The following ZNF782 variants were observed in gnomAD, a reference collection of about 807,000 sequenced individuals.
ZNF782 encodes the protein zinc finger protein 782.
ZNF782 carries 12 observed loss-of-function variants against 13.0 expected under a neutral mutation model. The ratio of observed to expected loss-of-function variants is 0.92; its 90% confidence interval spans 0.59 to 1.50. The LOEUF (loss-of-function observed/expected upper bound fraction) is 1.50. Among genes scored for constraint, ZNF782 ranks in the 40% most tolerant of loss-of-function variants. The pLI, the probability that ZNF782 is intolerant of heterozygous loss-of-function variation, is 0.00. For missense variants in ZNF782, 770 were observed against 822.9 expected (o/e 0.94, Z 0.79); for synonymous variants, 284 against 283.0 (o/e 1.00, Z -0.04).
the ZNF782 span, among the ~76,000 whole-genome samples, chr9:96,927,228 G>T: frequency 7.9e-5 from 12 of 152,194 alleles, no homozygotes; most frequent in African/African-American, 2.7e-4. Flanking sequence ...CACATGCGAG[G>T]GGATGCATGA....
At chr9:96,849,407 T>C (rs1395759698) in intron 3 of ZNF782, among the ~76,000 whole-genome samples, 4 of 152,198 alleles carry the variant, frequency 2.6e-5, no homozygotes, top group African/African-American at 9.7e-5. Flanking sequence ...CGTGGCCCTG[T>C]GGATTGGGGA....
At chr9:96,894,339 T>TA in the ZNF782 span, 46 of 143,824 alleles carry the variant, frequency 3.2e-4, no homozygotes, top group Middle Eastern at 3.5e-3. Context: ...ACTTAAAGCA[T>TA]AAAAAAAAAA....
At chr9:96,886,625 A>G in the ZNF782 span, among the ~76,000 whole-genome samples, 3 of 152,182 alleles carry the variant, frequency 2.0e-5, no homozygotes, top group African/African-American at 7.2e-5. Flanking sequence ...AAGCTGTATG[A>G]TCAAAAACAC....
At chr9:96,839,785 C>G (rs1013047221) in intron 4 of ZNF782, among the ~76,000 whole-genome samples, 2 of 152,120 alleles carry the variant, frequency 1.3e-5, no homozygotes, top group African/African-American at 4.8e-5. Flanking sequence ...CTATGCACAC[C>G]ATTCTACTGC....
At chr9:96,862,313 A>G (rs1467069026) in intron 1 of ZNF782, among the ~76,000 whole-genome samples, 1 of 152,238 alleles carries the variant, frequency 6.6e-6, no homozygotes, top group Non-Finnish European at 1.5e-5. Context: ...TTTGATAGCA[A>G]AACAGGTTGA....
intron 2 of ZNF782, 24 bp from the exon 3 acceptor site, chr9:96,852,029 C>T: frequency 6.6e-7 from 1 of 1,521,126 alleles, no homozygotes; most frequent in Non-Finnish European, 9.1e-7. Flanking sequence ...AAGAGGATGT[C>T]ACACGGTCTC....
At chr9:96,871,983 G>A (rs1409023919) in intron 1 of ZNF782, among the ~76,000 whole-genome samples, 1 of 152,114 alleles carries the variant, frequency 6.6e-6, no homozygotes, top group Non-Finnish European at 1.5e-5. Flanking sequence ...AAATTTGAAG[G>A]AACTGGACCT....
chr9:96,919,586 C>T, the ZNF782 span, among the ~76,000 whole-genome samples: 13 of 107,492 alleles, frequency 1.2e-4, no homozygotes, highest in Admixed American at 2.0e-4. Flanking sequence ...TTTTTTGAGA[C>T]AGAGTCTTGC....
the ZNF782 span, among the ~76,000 whole-genome samples, chr9:96,911,214 C>A: frequency 4.2e-5 from 6 of 142,988 alleles, no homozygotes; most frequent in African/African-American, 1.3e-4. Context: ...CCGAGGCGGG[C>A]GGATCACGAG....
chr9:96,906,775 G>A, the ZNF782 span, among the ~76,000 whole-genome samples: 2 of 152,246 alleles, frequency 1.3e-5, no homozygotes, highest in East Asian at 1.9e-4. Context: ...ACCATTGACC[G>A]CTGGTGATCA....
intron 3 of ZNF782, among the ~76,000 whole-genome samples, chr9:96,845,501 C>T (rs1329710634): frequency 6.6e-6 from 1 of 152,188 alleles, no homozygotes; most frequent in African/African-American, 2.4e-5. Context: ...TCATGATCCG[C>T]CCACCTTGGC....
At chr9:96,914,500 A>G in the ZNF782 span, among the ~76,000 whole-genome samples, 6 of 151,248 alleles carry the variant, frequency 4.0e-5, no homozygotes, top group Non-Finnish European at 8.9e-5. Flanking sequence ...CTAGTCCTAC[A>G]TACATACAAA....
chr9:96,894,648 G>T, the ZNF782 span: 5 of 152,130 alleles, frequency 3.3e-5, no homozygotes, highest in Non-Finnish European at 7.4e-5. Context: ...CTATTCTGAT[G>T]ATCTTGAAAA....
chr9:96,914,067 C>T, the ZNF782 span, among the ~76,000 whole-genome samples: 14 of 151,566 alleles, frequency 9.2e-5, no homozygotes, highest in Admixed American at 2.6e-4. Flanking sequence ...GATTAGGGGA[C>T]GAGTAATAAA....
the ZNF782 span, chr9:96,895,622 T>C: frequency 6.6e-6 from 1 of 152,178 alleles, no homozygotes; most frequent in Admixed American, 6.5e-5. Flanking sequence ...AATCAGACTT[T>C]GGGGGAATTA....
At chr9:96,866,236 A>T (rs1851752561) in intron 1 of ZNF782, among the ~76,000 whole-genome samples, 1 of 151,984 alleles carries the variant, frequency 6.6e-6, no homozygotes, top group South Asian at 2.1e-4. Flanking sequence ...AAGAGGAAAA[A>T]TTGTTTTGTG....
At chr9:96,903,556 G>GTTTTTTTTTTTTTTTTT in the ZNF782 span, among the ~76,000 whole-genome samples, 1 of 75,462 alleles carries the variant, frequency 1.3e-5, no homozygotes, top group Non-Finnish European at 2.2e-5. Flanking sequence ...TTTTATGTTG[G>GTTTTTTTTTTTTTTTTT]TTTTTTTTTT....
At chr9:96,915,042 T>C in the ZNF782 span, among the ~76,000 whole-genome samples, 1 of 151,456 alleles carries the variant, frequency 6.6e-6, no homozygotes, top group African/African-American at 2.4e-5. Flanking sequence ...GCAGGGTCCC[T>C]CTTGCCTGGG....
chr9:96,894,637 T>C, the ZNF782 span: 8 of 152,226 alleles, frequency 5.3e-5, no homozygotes, highest in African/African-American at 1.9e-4. Context: ...GGTCCCTGTA[T>C]CTATTCTGAT....
Sources: gnomAD v4.1 joint callset for allele counts (sites outside exome capture counted in the v4.1 genomes callset) on GRCh38, gnomAD v4.1.1 for gene constraint, MANE v1.5 for transcripts, NCBI Gene and HGNC (gene_info 2026-07-23, HGNC 2026-07-21) for gene names.